WNT7B: variants seen among roughly 807,000 people sequenced by gnomAD.
WNT7B encodes the protein Wnt family member 7B, also known as protein Wnt-7b.
In WNT7B, 19 loss-of-function variants were observed where a neutral mutation model predicts 38.2. The observed-to-expected ratio is 0.50, with a 90% confidence interval of 0.35 to 0.73. The LOEUF (loss-of-function observed/expected upper bound fraction) is 0.73, where lower values mean the gene tolerates loss of function less well. WNT7B is among the 30% of genes least tolerant of loss of function. The pLI, the probability that WNT7B is intolerant of heterozygous loss-of-function variation, is 0.01. For synonymous variants in WNT7B, 243 were observed against 209.3 expected, an observed-to-expected ratio of 1.16 and a Z score of -1.39; for missense variants, 423 against 507.9, an observed-to-expected ratio of 0.83 and a Z score of 1.61.
chr22:45,948,849 T>C (rs1386918679), intron 2 of WNT7B, among the ~76,000 whole-genome samples: 1 of 140,484 alleles, frequency 7.1e-6, no homozygotes, highest in African/African-American at 2.9e-5. Context: ...TTTTTTTTTT[T>C]TTTTTTTTCC....
At chr22:45,942,176 C>T (rs918852117) in intron 2 of WNT7B, among the ~76,000 whole-genome samples, 1 of 152,194 alleles carries the variant, frequency 6.6e-6, no homozygotes, top group Non-Finnish European at 1.5e-5. Context: ...GGGCCACATC[C>T]GCAGCTCCTG....
intron 1 of WNT7B, among the ~76,000 whole-genome samples, chr22:45,962,355 C>G (rs1353797434): frequency 6.6e-6 from 1 of 152,214 alleles, no homozygotes; most frequent in African/African-American, 2.4e-5. Context: ...AACCACAGGA[C>G]GCTGACCTCT....
chr22:45,927,583 A>G, intron 3 of WNT7B: 1 of 1,055,394 alleles, frequency 9.5e-7, no homozygotes, highest in South Asian at 1.3e-5. Context: ...CCCTAAATCC[A>G]ATGAGAGTGT....
At chr22:45,961,137 C>T (rs1932186558) in intron 1 of WNT7B, among the ~76,000 whole-genome samples, 1 of 152,250 alleles carries the variant, frequency 6.6e-6, no homozygotes. Context: ...CGCATTGCAG[C>T]CCAGAGCTGG....
chr22:45,930,355 C>G (rs907766020), intron 3 of WNT7B, among the ~76,000 whole-genome samples: 1 of 152,248 alleles, frequency 6.6e-6, no homozygotes, highest in African/African-American at 2.4e-5. Flanking sequence ...GAGAAGCCCC[C>G]TAGGCTCTGC....
intron 1 of WNT7B, among the ~76,000 whole-genome samples, chr22:45,956,881 G>T (rs1041835481): frequency 1.3e-5 from 2 of 152,176 alleles, no homozygotes; most frequent in African/African-American, 4.8e-5. Flanking sequence ...GCTGAGATGG[G>T]TGGATCATGA....
At chr22:45,943,025 A>ATG (rs797000246) in intron 2 of WNT7B, among the ~76,000 whole-genome samples, 4 of 136,586 alleles carry the variant, frequency 2.9e-5, no homozygotes, top group African/African-American at 1.1e-4. Context: ...GTGCATGTGT[A>ATG]TGTGTGTGCG....
At chr22:45,946,402 C>T (rs753128659) in intron 2 of WNT7B, among the ~76,000 whole-genome samples, 4 of 152,216 alleles carry the variant, frequency 2.6e-5, no homozygotes, top group Non-Finnish European at 4.4e-5. Flanking sequence ...AACTCCCTGC[C>T]TTGTTGGGGG....
At chr22:45,948,526 G>A (rs1203864134) in intron 2 of WNT7B, among the ~76,000 whole-genome samples, 1 of 152,214 alleles carries the variant, frequency 6.6e-6, no homozygotes, top group Non-Finnish European at 1.5e-5. Flanking sequence ...TCGGCTCCAG[G>A]ATCAGAAGGA....
chr22:45,955,301 G>A (rs533842750), intron 1 of WNT7B, among the ~76,000 whole-genome samples: 109 of 152,356 alleles, frequency 7.2e-4, no homozygotes, highest in Non-Finnish European at 1.3e-3. Context: ...GGGTGACTGG[G>A]ATGGGCCCTC....
At chr22:45,973,053 G>A (rs1932485454) in intron 1 of WNT7B, among the ~76,000 whole-genome samples, 1 of 152,234 alleles carries the variant, frequency 6.6e-6, no homozygotes, top group Non-Finnish European at 1.5e-5. Context: ...GAGCTTGCAC[G>A]ACCCTGCCTG....
In WNT7B at chr22:45,920,669, GGGAT is replaced by G. The variant is rs1930897327; in HGVS notation, c.*2183_*2186del. On this transcript the variant is annotated 3_prime_UTR_variant, in exon 4 of 4. Coordinates refer to ENST00000339464, the MANE Select transcript of WNT7B (RefSeq NM_058238.3). ...GGATGGGGGGTGGGTATGGGGAATA[GGGAT>G]GAGGGATGGGATGGGGGATGGGGTC... 1 of 140,380 alleles carries G rather than the reference GGGAT, an allele frequency of 7.1e-6. No homozygotes were observed. The highest frequency in any genetic ancestry group is 1.6e-5 in the Non-Finnish European group (1 of 64,430). 8.7% of individuals were successfully genotyped at this position (140,380 alleles called of 1,614,324 possible). A position where few individuals can be genotyped will look rare whatever the true frequency, so the allele number is the denominator to read the frequency against.
chr22:45,925,980 C>T (rs1931070974), intron 3 of WNT7B: 1 of 943,102 alleles, frequency 1.1e-6, no homozygotes, highest in South Asian at 4.7e-5. Flanking sequence ...CTCCTCCCTC[C>T]CCTGTCCCTG....
chr22:45,956,851 T>TA (rs1932074716), intron 1 of WNT7B, among the ~76,000 whole-genome samples: 1 of 152,164 alleles, frequency 6.6e-6, no homozygotes. Flanking sequence ...CTCACGCCTG[T>TA]AATCCCAGCA....
chr22:45,973,977 C>T (rs1359015366), intron 1 of WNT7B, among the ~76,000 whole-genome samples: 1 of 152,136 alleles, frequency 6.6e-6, no homozygotes, highest in Non-Finnish European at 1.5e-5. Context: ...GATCTTTGGT[C>T]AGAACTTTAT....
rs4075685 is a variant in WNT7B at position 45,964,521 on chromosome 22, G to A, written c.71+12163C>T. On this transcript the variant is annotated intron_variant, in intron 1 of 3. Coordinates refer to ENST00000339464, the MANE Select transcript of WNT7B (RefSeq NM_058238.3). ...TGCCTTCCTAGTGGGGGTGTCAGCC[G>A]CACCTGGAAATTCCCAACACTTCCC... Among the ~76,000 whole-genome samples the A allele has an allele frequency of 4.1e-3, 627 of 152,210 alleles. 9 individuals carry two copies. The East Asian group carries it at 0.053, about 13-fold the overall frequency.
chr22:45,926,470 C>T, intron 3 of WNT7B: 8 of 985,382 alleles, frequency 8.1e-6, no homozygotes, highest in Non-Finnish European at 8.4e-6. Flanking sequence ...GTAGCCTGTG[C>T]TCTGGAAACA....
At chr22:45,929,526 T>A (rs1290032809) in intron 3 of WNT7B, among the ~76,000 whole-genome samples, 53 of 120,554 alleles carry the variant, frequency 4.4e-4, no homozygotes, top group African/African-American at 1.7e-3. Context: ...CCGTCCATCT[T>A]TCCACCCACT....
At chr22:45,923,952 CCG>C (rs1304663678) in intron 3 of WNT7B, among the ~76,000 whole-genome samples, 1 of 152,218 alleles carries the variant, frequency 6.6e-6, no homozygotes, top group African/African-American at 2.4e-5. Context: ...CCCGGCCCGC[CCG>C]CTGTTCTTTC....
Sources: allele counts gnomAD v4.1 joint callset (sites outside exome capture counted in the v4.1 genomes callset), GRCh38; gene constraint gnomAD v4.1.1; transcripts MANE v1.5; gene names NCBI Gene and HGNC (gene_info 2026-07-23, HGNC 2026-07-21).